Variants in EXOC7 observed in about 807,000 individuals in gnomAD.
EXOC7 encodes exocyst complex component 7, also known as exocyst complex component Exo70.
In EXOC7, 51 loss-of-function variants were observed where a neutral mutation model predicts 87.6. The ratio of observed to expected loss-of-function variants is 0.58; its 90% CI spans 0.46 to 0.73. The LOEUF (loss-of-function observed/expected upper bound fraction) is 0.73, where lower values mean the gene tolerates loss of function less well. Ranked by LOEUF, EXOC7 falls within the 30% of genes least tolerant of loss-of-function variation. The pLI is 0.00. For missense variants in EXOC7, 744 were observed against 888.4 expected, an observed-to-expected ratio of 0.84 and a Z score of 2.07; for synonymous variants, 327 against 357.1, an observed-to-expected ratio of 0.92 and a Z score of 0.95.
intron 4 of EXOC7, 118 bp downstream of exon 4, chr17:76,101,153 G>C: frequency 1.3e-6 from 2 of 1,567,918 alleles, no homozygotes. Context: ...GATGTACTGT[G>C]CTATATCCTT....
chr17:76,102,407 TACACACACAGACACACAC>T (rs1337416310), intron 2 of EXOC7, among the ~76,000 whole-genome samples: 14 of 122,362 alleles, frequency 1.1e-4, no homozygotes, highest in African/African-American at 4.7e-4. Context: ...AGACCCTGTC[TACACACACAGACACACAC>T]ACACACACAC....
chr17:76,086,198 G>T, intron 12 of EXOC7, 53 bp from the exon 13 acceptor site: 1 of 1,557,742 alleles, frequency 6.4e-7, no homozygotes, highest in Non-Finnish European at 8.8e-7. Flanking sequence ...GACCCTCAAC[G>T]GCCCTTCCCC....
Position 76,094,544 on chromosome 17 carries a change from C to G in EXOC7, c.678G>C (p.Gln226His). The stretch of plus-strand genomic sequence containing the variant: ...TCAGTCCTTTGATGGAGCGGTCCAG[C>G]TGGCTGGAGCGTATCTGGTAGTAGA... ...MNVYYQIRSS[Q>H]LDRSIKGLKE... The change falls in exon 6 of 19, where the codon CAG becomes CAC. Residue 226 changes from glutamine (Q) to histidine (H), a missense_variant. This residue lies in a region of EXOC7 where 512 missense variants were observed against 573.0 expected (regional missense o/e 0.89). Transcript: ENST00000589210. 7 of 1,613,948 alleles carry G rather than the reference C, an allele frequency of 4.3e-6. No homozygotes were observed. The highest frequency in any genetic ancestry group is 5.9e-6 in the Non-Finnish European group (7 of 1,179,994).
intron 5 of EXOC7, among the ~76,000 whole-genome samples, chr17:76,095,574 A>T (rs951749704): frequency 6.6e-6 from 1 of 152,254 alleles, no homozygotes; most frequent in Non-Finnish European, 1.5e-5. Flanking sequence ...AAAAACACAC[A>T]TCTTTAGCCA....
intron 7 of EXOC7, 96 bp downstream of exon 7, chr17:76,091,047 T>C: frequency 3.7e-6 from 4 of 1,079,422 alleles, no homozygotes; most frequent in Non-Finnish European, 5.7e-6. Context: ...CCCTCAGGGT[T>C]TCTCCCGAGG....
chr17:76,092,303 T>TTG (rs1308693489), intron 6 of EXOC7: 1 of 148,764 alleles, frequency 6.7e-6, no homozygotes, highest in African/African-American at 2.5e-5. Flanking sequence ...TTTTTTTTTT[T>TTG]TTTTTTTTTT....
At chr17:76,084,685 G>A in intron 15 of EXOC7, 105 bp from the exon 16 acceptor site, 2 of 950,470 alleles carry the variant, frequency 2.1e-6, no homozygotes, top group South Asian at 3.1e-5. Context: ...GTGGTGGTAG[G>A]AAGGGATGTG....
rs2066995628 is a variant in EXOC7, at chr17:76,081,891, T to G, written c.*1757A>C. The G allele has an allele frequency of 2.5e-6, 4 of 1,610,172 alleles. No homozygotes were observed. The Middle Eastern group carries it at 5.0e-4, about 200-fold the overall frequency. On this transcript the variant is annotated 3_prime_UTR_variant, in exon 19 of 19. Coordinates refer to ENST00000589210, the MANE Select transcript of EXOC7 (RefSeq NM_001013839.4). ...GCCCTGCCTCCCCCAGTTTACTACT[T>G]CACCATCCTGCTGCTGCTGCTCTTC... is the stretch of plus-strand genomic sequence containing the variant.
In EXOC7 at chr17:76,098,033, G is replaced by C; in HGVS notation, c.418-15C>G. On this transcript the variant is annotated splice_polypyrimidine_tract_variant and intron_variant, in intron 4 of 18. Transcript: ENST00000589210. ...AAGAGCAGTTTCTGCACAGACAACA[G>C]AAGGAAGCAGGTGCCTGCTGCTTCA... The C allele has an allele frequency of 1.2e-6, 2 of 1,611,634 alleles. No homozygotes were observed. The highest frequency in any genetic ancestry group is 1.7e-6 in the Non-Finnish European group (2 of 1,177,814).
In EXOC7 at chr17:76,081,414, C is replaced by T. The variant is rs776655580; in HGVS notation, c.*2234G>A. On this transcript the variant is annotated 3_prime_UTR_variant, in exon 19 of 19. Coordinates refer to ENST00000589210, the MANE Select transcript of EXOC7 (RefSeq NM_001013839.4). ...GCTTCCAGGTGACGGTGAGTCAAGT[C>T]GGGAGGAGGCCGACAGAGGGCTGCT... 6.8e-6 allele frequency: 11 copies of T among 1,613,762 alleles called. No individual in the cohort carries two copies. The highest frequency in any genetic ancestry group is 1.3e-5 in the African/African-American group (1 of 74,936).
chr17:76,081,488 C>T lies in EXOC7; in HGVS notation c.*2160G>A. 4.3e-6 allele frequency: 7 copies of T among 1,610,140 alleles called. No homozygotes were observed. The South Asian group carries it at 7.7e-5, about 18-fold the overall frequency. On this transcript the variant is annotated 3_prime_UTR_variant, in exon 19 of 19. Transcript: ENST00000589210. The stretch of plus-strand genomic sequence containing the variant: ...CACGGCCAGAGGCCAGGCCCCATGC[C>T]CCCGATGCCCACCTCCTTCCCCCCC...
intron 14 of EXOC7, 33 bp downstream of exon 14, chr17:76,085,644 A>G (rs1475795607): frequency 6.2e-7 from 1 of 1,613,838 alleles, no homozygotes; most frequent in Non-Finnish European, 8.5e-7. Context: ...GGGGAAGGTG[A>G]GAGCCGCAGA....
chr17:76,083,527 G>A lies in EXOC7; in HGVS notation c.*121C>T, dbSNP rs1038292097. The A allele has an allele frequency of 6.5e-5, 60 of 928,492 alleles. No homozygotes were observed. The highest frequency in any genetic ancestry group is 3.6e-5 in the Non-Finnish European group (21 of 576,534). 57.5% of individuals were successfully genotyped at this position (928,492 alleles called of 1,614,324 possible). ...GCTCAGGGACACAGCTCCCGGAGGCGTGGAGACAGGTCTCTGTCCCAGAGG... is the reference window on the plus strand; with the variant it reads ...GCTCAGGGACACAGCTCCCGGAGGCATGGAGACAGGTCTCTGTCCCAGAGG... On this transcript the variant is annotated 3_prime_UTR_variant, in exon 19 of 19. Transcript: ENST00000589210.
In EXOC7 at chr17:76,103,525, C is replaced by T. The variant is rs377127836; in HGVS notation, c.61-99G>A. 7 of 1,560,670 alleles carry T rather than the reference C, an allele frequency of 4.5e-6. No individual in the cohort carries two copies. In the East Asian group the frequency reaches 1.4e-4, roughly 31 times the overall value. Reference sequence around the variant, plus strand: ...CCTAGCCCCCAACCCCATCTCCTCGCTGGGTGCGCTCCCTCCCACCCCTGC... The same window carrying T: ...CCTAGCCCCCAACCCCATCTCCTCGTTGGGTGCGCTCCCTCCCACCCCTGC... On this transcript the variant is annotated intron_variant, in intron 1 of 18. Transcript: ENST00000589210.
chr17:76,092,448 C>CCA (rs2067539209), intron 6 of EXOC7: 2 of 152,152 alleles, frequency 1.3e-5, no homozygotes, highest in Admixed American at 1.3e-4. Flanking sequence ...GCGTGCGTCA[C>CCA]CACACCCAAC....
intron 15 of EXOC7, 105 bp downstream of exon 15, chr17:76,085,209 G>T: frequency 1.1e-6 from 1 of 923,126 alleles, no homozygotes; most frequent in Non-Finnish European, 1.7e-6. Context: ...GGGTCCAGAG[G>T]ACAGGAGTTC....
In EXOC7 at chr17:76,101,859, G is replaced by C. The variant is rs372761656; in HGVS notation, c.131C>G (p.Ser44Cys). ...KSDQLTKNMV[S>C]ILSSFESRLM... The stretch of plus-strand genomic sequence containing the variant: ...GCGGCTCTCAAAGGATGATAAGATA[G>C]ACACCTGCGGGAGGGAAGCCTCTTG... Residue 44 changes from serine (S) to cysteine (C), a missense_variant, in exon 3 of 19, where the codon TCT (serine) becomes TGT (cysteine). Coordinates refer to ENST00000589210, the MANE Select transcript of EXOC7 (RefSeq NM_001013839.4). 1.3e-5 allele frequency: 21 copies of C among 1,610,820 alleles called. No homozygotes were observed. Among genetic ancestry groups the C allele is most frequent in the Non-Finnish European group, 1.7e-6 (2 of 1,178,338 alleles).
At chr17:76,083,803 C>T in intron 18 of EXOC7, 53 bp from the exon 19 acceptor site, 2 of 1,576,298 alleles carry the variant, frequency 1.3e-6, no homozygotes, top group Admixed American at 1.7e-5. Flanking sequence ...TCCCCAGCTC[C>T]ACCCTCAGCC....
chr17:76,084,037 C>A lies in EXOC7; in HGVS notation c.1921G>T (p.Val641Phe), dbSNP rs773337833. 1 of 1,604,392 alleles carries A rather than the reference C, an allele frequency of 6.2e-7. No homozygotes were observed. Among genetic ancestry groups the A allele is most frequent in the Non-Finnish European group, 8.5e-7 (1 of 1,176,438 alleles). ...DRIRQAQKTI[V>F]KETYGAFLQK... ...AGAAAGGCCCCGTAGGTCTCCTTGA[C>A]AATGGTCTTCTGGGCCTGGCGAATC... is the stretch of plus-strand genomic sequence containing the variant. The change falls in exon 18 of 19, where the codon GTC becomes TTC. Residue 641 changes from valine to phenylalanine, a missense_variant. By Grantham distance (50) the Val-to-Phe change is conservative (BLOSUM62 -1). Coordinates refer to ENST00000589210, the MANE Select transcript of EXOC7 (RefSeq NM_001013839.4).
Sources: allele counts gnomAD v4.1 joint callset (sites outside exome capture counted in the v4.1 genomes callset), GRCh38; gene constraint gnomAD v4.1.1; regional missense constraint gnomAD v4.1.1; transcripts MANE v1.5; gene names NCBI Gene and HGNC (gene_info 2026-07-23, HGNC 2026-07-21).